PUM2: variants seen among roughly 807,000 people sequenced by gnomAD.
The protein encoded by PUM2 is pumilio homolog 2.
PUM2 carries 57 observed loss-of-function variants against 124.5 expected under a neutral mutation model. The observed-to-expected ratio is 0.46, with a 90% confidence interval of 0.37 to 0.57. The LOEUF (loss-of-function observed/expected upper bound fraction) is 0.57. PUM2 is among the 20% of genes least tolerant of loss of function. The pLI is 0.00. For synonymous variants in PUM2, 460 were observed against 446.1 expected, an observed-to-expected ratio of 1.03 and a Z score of -0.39; for missense variants, 1,065 against 1,290.6, an observed-to-expected ratio of 0.83 and a Z score of 2.68.
intron 12 of PUM2, among the ~76,000 whole-genome samples, chr2:20,279,340 G>C (rs1455220706): frequency 6.6e-6 from 1 of 151,986 alleles, no homozygotes; most frequent in Non-Finnish European, 1.5e-5. Context: ...ATATTGGCCC[G>C]AATATTGATC....
intron 2 of PUM2, chr2:20,326,418 CATGAAG>C: frequency 7.7e-7 from 1 of 1,304,104 alleles, no homozygotes; most frequent in Non-Finnish European, 1.0e-6. Context: ...GAGTGAGTCT[CATGAAG>C]GTCTCTATTC....
Position 20,278,435 on chromosome 2 carries a change from G to C in PUM2, c.1957+148C>G, listed in dbSNP as rs564107714. The C allele has an allele frequency of 4.5e-5, 30 of 671,856 alleles. No homozygotes were observed. The African/African-American group carries it at 5.1e-4, about 11-fold the overall frequency. The allele number at this position is 671,856 out of a possible 1,614,324, so 41.6% of individuals were successfully genotyped here. Reference sequence around the variant, plus strand: ...CTCACTTTGAATTTTCAGGAAAGTAGAACTTTTTCAAAAGACTAATATCTA... The same window carrying C: ...CTCACTTTGAATTTTCAGGAAAGTACAACTTTTTCAAAAGACTAATATCTA... On this transcript the variant is annotated intron_variant, in intron 13 of 20. Coordinates refer to ENST00000361078, the MANE Select transcript of PUM2 (RefSeq NM_015317.5).
At chr2:20,273,167 T>A (rs72787406) in intron 13 of PUM2, among the ~76,000 whole-genome samples, 44,683 of 152,116 alleles carry the variant, frequency 0.29, 6,796 homozygotes, top group Middle Eastern at 0.36. Flanking sequence ...AGTGTTTTCA[T>A]GTGGAGGCTA....
At chr2:20,285,092 A>G (rs1672421092) in intron 10 of PUM2, among the ~76,000 whole-genome samples, 2 of 152,256 alleles carry the variant, frequency 1.3e-5, no homozygotes, top group South Asian at 4.1e-4. Flanking sequence ...ACATTTGGCT[A>G]TAAACACTCT....
At position 20,331,151 on chromosome 2, in the gene PUM2, C is replaced by T. The variant is rs148093634; in HGVS notation, c.-18-3773G>A. Among the ~76,000 whole-genome samples the T allele has an allele frequency of 2.3e-3, 337 of 149,456 alleles. 1 individual carries two copies. The highest frequency in any genetic ancestry group is 3.5e-3 in the Middle Eastern group (1 of 286). On this transcript the variant is annotated intron_variant, in intron 1 of 20. Transcript: ENST00000361078. Reference sequence around the variant, plus strand: ...GAGAGGAAAAAAAAAAAACCACACGCGTTGTTTGGGAATAGAAAGAATGAA... The same window carrying T: ...GAGAGGAAAAAAAAAAAACCACACGTGTTGTTTGGGAATAGAAAGAATGAA...
chr2:20,292,090 G>A (rs1460324513), intron 9 of PUM2, among the ~76,000 whole-genome samples: 1 of 149,958 alleles, frequency 6.7e-6, no homozygotes, highest in African/African-American at 2.5e-5. Flanking sequence ...ATAAGCCCAG[G>A]AGGAGGTTTT....
intron 13 of PUM2, among the ~76,000 whole-genome samples, chr2:20,276,258 C>T (rs1572662015): frequency 1.4e-5 from 2 of 143,240 alleles, no homozygotes; most frequent in East Asian, 2.0e-4. Flanking sequence ...AAAATGAAAA[C>T]TTTTTTTTTT....
intron 7 of PUM2, among the ~76,000 whole-genome samples, chr2:20,305,811 CATAAA>C (rs1257437331): frequency 5.3e-5 from 8 of 152,062 alleles, no homozygotes; most frequent in African/African-American, 1.7e-4. Context: ...ACATAAAATA[CATAAA>C]ATAAACTTAG....
intron 1 of PUM2, among the ~76,000 whole-genome samples, chr2:20,335,129 T>C (rs920227597): frequency 1.3e-5 from 2 of 152,182 alleles, no homozygotes; most frequent in Non-Finnish European, 2.9e-5. Context: ...CTCCCTATGT[T>C]GCCTAGGCTG....
rs749252655 is a variant in PUM2 at position 20,283,880 on chromosome 2, T to C, written c.1292-394A>G. On this transcript the variant is annotated intron_variant, in intron 10 of 20. Coordinates refer to ENST00000361078, the MANE Select transcript of PUM2 (RefSeq NM_015317.5). The stretch of plus-strand genomic sequence containing the variant: ...ACGAAATGTTTACTGTGCAATTTCA[T>C]TGAAGTTCAAAATCAAGTGCCTCAT... Among the ~76,000 whole-genome samples, 11 of 152,354 alleles carry C rather than the reference T, an allele frequency of 7.2e-5. 1 individual carries two copies. The highest frequency in any genetic ancestry group is 2.0e-4 in the Admixed American group (3 of 15,302).
chr2:20,346,074 C>G (rs185930468), intron 1 of PUM2, among the ~76,000 whole-genome samples: 1 of 152,074 alleles, frequency 6.6e-6, no homozygotes, highest in African/African-American at 2.4e-5. Context: ...GATATTAAGA[C>G]GAGGGCACCT....
In PUM2 at chr2:20,283,120, G is replaced by C. The variant is rs1558543503; in HGVS notation, c.1547C>G (p.Thr516Ser). 8.1e-6 allele frequency: 13 copies of C among 1,614,154 alleles called. No homozygotes were observed. The highest frequency in any genetic ancestry group is 1.7e-4 in the Middle Eastern group (1 of 6,060). The change falls in exon 12 of 21, where the codon ACT becomes AGT. Residue 516 changes from threonine (T) to serine (S), a missense_variant. This residue lies in a region of PUM2 where 968 missense variants were observed against 1,159.8 expected (regional missense o/e 0.83). Coordinates refer to ENST00000361078, the MANE Select transcript of PUM2 (RefSeq NM_015317.5). ...ATAAAATGAATTAGATTGCAGATTA[G>C]TGCTTGGCTGCTGTTGCTGCTGCTG... ...PPQQQQQQPS[T>S]NLQSNSFYGS...
chr2:20,329,276 A>ACAAAAATT (rs2148889401), intron 1 of PUM2, among the ~76,000 whole-genome samples: 1 of 151,322 alleles, frequency 6.6e-6, no homozygotes, highest in East Asian at 1.9e-4. Flanking sequence ...CAAAAAGAAT[A>ACAAAAATT]CAAAAATTAG....
At chr2:20,255,083 T>C (rs1463999252) in intron 18 of PUM2, 99 bp from the exon 19 acceptor site, 10 of 1,482,068 alleles carry the variant, frequency 6.7e-6, no homozygotes, top group Admixed American at 5.7e-5. Flanking sequence ...TCCAGTAGGA[T>C]AGTTAGGAGA....
At chr2:20,351,853 C>T (rs1689372557), upstream of PUM2, among the ~76,000 whole-genome samples, 1 of 152,212 alleles carries the variant, frequency 6.6e-6, no homozygotes, top group African/African-American at 2.4e-5. Context: ...TGTTTTGTTT[C>T]ACACTGTGCC....
intron 15 of PUM2, among the ~76,000 whole-genome samples, chr2:20,259,821 G>A (rs1233379466): frequency 1.3e-5 from 2 of 152,094 alleles, no homozygotes; most frequent in Non-Finnish European, 2.9e-5. Flanking sequence ...ATTGTGTGGT[G>A]ATTCAATATT....
intron 2 of PUM2, among the ~76,000 whole-genome samples, chr2:20,324,462 G>A (rs1341633152): frequency 6.6e-6 from 1 of 152,150 alleles, no homozygotes; most frequent in Non-Finnish European, 1.5e-5. Context: ...TGGATTTTCT[G>A]AAGAATTTCA....
rs1376525897 is a variant in PUM2 at position 20,249,065 on chromosome 2, T to C, written c.*2520A>G. The C allele has an allele frequency of 6.6e-6, 1 of 152,172 alleles. No individual in the cohort carries two copies. The highest frequency in any genetic ancestry group is 2.4e-5 in the African/African-American group (1 of 41,440). 9.4% of individuals were successfully genotyped at this position (152,172 alleles called of 1,614,324 possible). A position where few individuals can be genotyped will look rare whatever the true frequency, so the allele number is the denominator to read the frequency against. On this transcript the variant is annotated 3_prime_UTR_variant, in exon 21 of 21. Transcript: ENST00000361078. Reference sequence around the variant, plus strand: ...CTTTTGTAGAGCAGGCCTGAAAGTATTGGGAAGATTGGGTTGTCAGCACTG... The same window carrying C: ...CTTTTGTAGAGCAGGCCTGAAAGTACTGGGAAGATTGGGTTGTCAGCACTG...
chr2:20,338,011 T>TG (rs1686474667), intron 1 of PUM2, among the ~76,000 whole-genome samples: 1 of 152,152 alleles, frequency 6.6e-6, no homozygotes, highest in Admixed American at 6.5e-5. Context: ...GCTACTAAAA[T>TG]GGTAGAGAAC....
Sources: allele counts gnomAD v4.1 joint callset (sites outside exome capture counted in the v4.1 genomes callset), GRCh38; gene constraint gnomAD v4.1.1; regional missense constraint gnomAD v4.1.1; transcripts MANE v1.5; gene names NCBI Gene and HGNC (gene_info 2026-07-23, HGNC 2026-07-21).